KALRN: variants seen among roughly 807,000 people sequenced by gnomAD.
The protein encoded by KALRN is kalirin.
In KALRN, 70 loss-of-function variants were observed where a neutral mutation model predicts 353.7. That is an observed-to-expected ratio of 0.20 (90% CI 0.16 to 0.24). The LOEUF (loss-of-function observed/expected upper bound fraction) is 0.24. Among genes scored for constraint, KALRN ranks in the 10% least tolerant of loss-of-function variants. KALRN has a pLI of 1.00. For synonymous variants in KALRN, 1,391 were observed against 1,434.8 expected, an observed-to-expected ratio of 0.97 and a Z score of 0.69; for missense variants, 2,791 against 3,756.7, an observed-to-expected ratio of 0.74 and a Z score of 6.72.
intron 56 of KALRN, among the ~76,000 whole-genome samples, chr3:124,701,129 G>A (rs1045467663): frequency 1.3e-5 from 2 of 152,188 alleles, no homozygotes; most frequent in Non-Finnish European, 2.9e-5. Flanking sequence ...GATGCTGTGT[G>A]TTTTGCTATT....
At chr3:124,400,932 A>T (rs2090776219) in intron 13 of KALRN, among the ~76,000 whole-genome samples, 1 of 152,146 alleles carries the variant, frequency 6.6e-6, no homozygotes, top group Non-Finnish European at 1.5e-5. Context: ...GGTTTGGATT[A>T]AGTTTTATTT....
At chr3:124,702,841 A>G (rs1174983347) in intron 57 of KALRN, among the ~76,000 whole-genome samples, 1 of 152,186 alleles carries the variant, frequency 6.6e-6, no homozygotes, top group Non-Finnish European at 1.5e-5. Flanking sequence ...GTTAGAGAAC[A>G]TTTAGTGTGT....
In KALRN at chr3:124,718,915, A is replaced by T. The variant is rs766808105; in HGVS notation, c.8416-10A>T. The T allele has an allele frequency of 3.7e-6, 6 of 1,611,952 alleles. No homozygotes were observed. The South Asian group carries it at 6.6e-5, about 18-fold the overall frequency. On this transcript the variant is annotated splice_polypyrimidine_tract_variant and intron_variant, in intron 59 of 59. Coordinates refer to ENST00000682506, the MANE Select transcript of KALRN (RefSeq NM_001388419.1). ...CCTTCTTTTCTCCCTGCTTCCTTGGATCTCTGCAGCCTGAAAACCTGCTCA... is the reference window on the plus strand; with the variant it reads ...CCTTCTTTTCTCCCTGCTTCCTTGGTTCTCTGCAGCCTGAAAACCTGCTCA...
intron 33 of KALRN, among the ~76,000 whole-genome samples, chr3:124,504,129 G>A (rs2064942994): frequency 6.6e-6 from 1 of 152,176 alleles, no homozygotes; most frequent in Non-Finnish European, 1.5e-5. Context: ...ACTTGTTACA[G>A]AAATAGGGAC....
At chr3:124,104,916 G>A (rs2062158188) in intron 1 of KALRN, among the ~76,000 whole-genome samples, 1 of 152,184 alleles carries the variant, frequency 6.6e-6, no homozygotes, top group Non-Finnish European at 1.5e-5. Flanking sequence ...GAAGCACAAA[G>A]TGGGTTGAAG....
chr3:124,193,610 A>T (rs532825441), intron 1 of KALRN, among the ~76,000 whole-genome samples: 1 of 152,112 alleles, frequency 6.6e-6, no homozygotes, highest in East Asian at 1.9e-4. Flanking sequence ...TTTAATGTTC[A>T]TTCTGGAATT....
At chr3:124,642,814 T>TTGTTGTTGTTTTTTTTTTTTTTTG (rs1295983829) in intron 37 of KALRN, among the ~76,000 whole-genome samples, 1 of 102,208 alleles carries the variant, frequency 9.8e-6, no homozygotes, top group Non-Finnish European at 2.2e-5. Context: ...TCGTTTTTTT[T>TTGTTGTTGTTTTTTTTTTTTTTTG]TTTTTTTTTT....
chr3:124,519,310 G>A, intron 33 of KALRN: 3 of 982,352 alleles, frequency 3.1e-6, no homozygotes, highest in Non-Finnish European at 2.4e-6. Context: ...GTATTTGTTT[G>A]CAATTTTTCA....
At chr3:124,565,435 G>C (rs570876679) in intron 34 of KALRN, among the ~76,000 whole-genome samples, 2 of 152,274 alleles carry the variant, frequency 1.3e-5, no homozygotes, top group South Asian at 2.1e-4. Flanking sequence ...GGTAAAATGA[G>C]GTAATGGAGA....
chr3:124,396,836 G>A (rs187325973), intron 12 of KALRN, among the ~76,000 whole-genome samples: 13 of 152,328 alleles, frequency 8.5e-5, no homozygotes, highest in African/African-American at 3.1e-4. Context: ...GTAGGCATAT[G>A]ACCAAGAGCC....
intron 17 of KALRN, among the ~76,000 whole-genome samples, chr3:124,438,468 T>C (rs2093555614): frequency 6.6e-6 from 1 of 152,014 alleles, no homozygotes; most frequent in Admixed American, 6.6e-5. Context: ...TTGTCTCTGC[T>C]TGAGGCTCCT....
chr3:124,710,592 G>C (rs1334103594), intron 57 of KALRN, among the ~76,000 whole-genome samples: 3 of 152,140 alleles, frequency 2.0e-5, no homozygotes, highest in Admixed American at 6.5e-5. Flanking sequence ...TTCAAGACCA[G>C]CCTCGGCAAT....
chr3:124,672,110 G>A (rs957653187), intron 48 of KALRN, among the ~76,000 whole-genome samples: 5 of 152,128 alleles, frequency 3.3e-5, no homozygotes, highest in Non-Finnish European at 7.4e-5. Flanking sequence ...ACCATACCCA[G>A]CTAATTTTTG....
rs2063898907 is a variant in KALRN, at chr3:124,120,711, A to ATATATATAT, written c.73+86898_73+86899insTATATATAT. On this transcript the variant is annotated intron_variant, in intron 1 of 59. Coordinates refer to ENST00000682506, the MANE Select transcript of KALRN (RefSeq NM_001388419.1). ...TTACAATCCAGATAGGAATACTAAA[A>ATATATATAT]ATATATATATATATATATATATATA... Among the ~76,000 whole-genome samples, 133 of 98,850 alleles carry ATATATATAT rather than the reference A, an allele frequency of 1.3e-3. 1 individual carries two copies. The highest frequency in any genetic ancestry group is 7.5e-3 in the East Asian group (20 of 2,684). 64.8% of individuals were successfully genotyped at this position (98,850 alleles called of 152,430 possible). A position where few individuals can be genotyped will look rare whatever the true frequency, so the allele number is the denominator to read the frequency against.
At chr3:124,269,900 T>C (rs2073955305) in intron 5 of KALRN, among the ~76,000 whole-genome samples, 1 of 152,216 alleles carries the variant, frequency 6.6e-6, no homozygotes, top group South Asian at 2.1e-4. Flanking sequence ...TCCAGGGCTC[T>C]TCCTGCCATA....
At chr3:124,485,897 A>C in intron 28 of KALRN, among the ~76,000 whole-genome samples, 1 of 152,162 alleles carries the variant, frequency 6.6e-6, no homozygotes, top group African/African-American at 2.4e-5. Context: ...AGAAGAAGAT[A>C]GTTTTGGTCT....
At chr3:124,244,231 C>G (rs2080845964) in intron 3 of KALRN, among the ~76,000 whole-genome samples, 1 of 151,968 alleles carries the variant, frequency 6.6e-6, no homozygotes, top group Admixed American at 6.6e-5. Context: ...TCCTTCCTAT[C>G]TTTTTTTAGA....
intron 10 of KALRN, among the ~76,000 whole-genome samples, chr3:124,366,987 G>A (rs1310309387): frequency 2.1e-5 from 3 of 139,564 alleles, no homozygotes; most frequent in Non-Finnish European, 4.7e-5. Context: ...CCTCCCGGAC[G>A]GGGCGGCTGG....
intron 57 of KALRN, among the ~76,000 whole-genome samples, chr3:124,712,318 A>T (rs945167929): frequency 1.3e-5 from 2 of 152,230 alleles, no homozygotes; most frequent in African/African-American, 4.8e-5. Flanking sequence ...ATTGGTATGT[A>T]TGAGAAGGAG....
Sources: allele counts gnomAD v4.1 joint callset (sites outside exome capture counted in the v4.1 genomes callset), GRCh38; gene constraint gnomAD v4.1.1; transcripts MANE v1.5; gene names NCBI Gene and HGNC (gene_info 2026-07-23, HGNC 2026-07-21).